Variants in MALRD1 observed in about 807,000 individuals in gnomAD.
The protein encoded by MALRD1 is MAM and LDL receptor class A domain containing 1.
Under a neutral mutation model 242.1 loss-of-function variants are expected in MALRD1, and 247 were observed. That is an observed-to-expected ratio of 1.02 (90% CI 0.92 to 1.13). MALRD1 has a LOEUF of 1.13. Ranked by LOEUF, MALRD1 falls within the 50% of genes most tolerant of loss-of-function variation. MALRD1 has a pLI of 0.00. For missense variants in MALRD1, 2,989 were observed against 2,533.1 expected, an observed-to-expected ratio of 1.18 and a Z score of -3.86; for synonymous variants, 995 against 866.6, an observed-to-expected ratio of 1.15 and a Z score of -2.60.
rs796121333 is a variant in MALRD1 at position 19,719,211 on chromosome 10, TACAC to T, written c.6315-11493_6315-11490del. 8.8e-3 allele frequency among the ~76,000 whole-genome samples: 189 copies of T among 21,464 alleles called. 6 individuals carry two copies. Among genetic ancestry groups the T allele is most frequent in the African/African-American group, 0.039 (182 of 4,680 alleles). 14.1% of individuals were successfully genotyped at this position (21,464 alleles called of 152,430 possible). A position where few individuals can be genotyped will look rare whatever the true frequency, so the allele number is the denominator to read the frequency against. On this transcript the variant is annotated intron_variant, in intron 38 of 39. Coordinates refer to ENST00000454679, the MANE Select transcript of MALRD1 (RefSeq NM_001142308.3). ...ATATACATACATATATATATATATA[TACAC>T]ATACATACATATATATATATATATA...
intron 18 of MALRD1, among the ~76,000 whole-genome samples, chr10:19,248,123 T>C (rs549435402): frequency 1.1e-4 from 17 of 152,106 alleles, no homozygotes; most frequent in African/African-American, 4.1e-4. Flanking sequence ...GTTACAAGAG[T>C]ATACTCTTAG....
chr10:19,260,466 A>G (rs1014932030), intron 19 of MALRD1, among the ~76,000 whole-genome samples: 28 of 152,186 alleles, frequency 1.8e-4, no homozygotes, highest in African/African-American at 6.3e-4. Flanking sequence ...CAACTGGGAC[A>G]TGGTATACAT....
chr10:19,642,033 T>C (rs1470640548), intron 36 of MALRD1, among the ~76,000 whole-genome samples: 3 of 152,184 alleles, frequency 2.0e-5, no homozygotes, highest in Non-Finnish European at 2.9e-5. Flanking sequence ...ATTTGGAGAA[T>C]ATTTCTAAGA....
At chr10:19,361,044 G>A (rs1844873038) in intron 26 of MALRD1, among the ~76,000 whole-genome samples, 1 of 152,054 alleles carries the variant, frequency 6.6e-6, no homozygotes, top group African/African-American at 2.4e-5. Flanking sequence ...GACTGGAGGT[G>A]TGGTAGTCTG....
intron 21 of MALRD1, among the ~76,000 whole-genome samples, chr10:19,321,408 A>G (rs368408542): frequency 4.1e-4 from 62 of 152,232 alleles, no homozygotes; most frequent in African/African-American, 1.3e-3. Context: ...CCCAACTCCC[A>G]TTCCTACTGG....
intron 14 of MALRD1, among the ~76,000 whole-genome samples, chr10:19,193,091 C>G (rs1015072887): frequency 3.9e-5 from 6 of 152,094 alleles, no homozygotes; most frequent in Non-Finnish European, 7.4e-5. Context: ...ATTTATTAGA[C>G]AGATTTTTCA....
At chr10:19,229,177 A>G (rs1837936995) in intron 18 of MALRD1, among the ~76,000 whole-genome samples, 2 of 152,326 alleles carry the variant, frequency 1.3e-5, no homozygotes, top group South Asian at 2.1e-4. Context: ...CCACAGTGGC[A>G]TGAATCGAGC....
chr10:19,227,423 T>C (rs1837846392), intron 18 of MALRD1, among the ~76,000 whole-genome samples: 1 of 152,118 alleles, frequency 6.6e-6, no homozygotes, highest in African/African-American at 2.4e-5. Flanking sequence ...GGATATTAAA[T>C]GGAGAATATG....
At chr10:19,326,066 C>G (rs1843122100) in intron 22 of MALRD1, among the ~76,000 whole-genome samples, 1 of 151,970 alleles carries the variant, frequency 6.6e-6, no homozygotes, top group Non-Finnish European at 1.5e-5. Context: ...AGACTTCGTT[C>G]TGAAAACAGT....
At position 19,674,270 on chromosome 10, in the gene MALRD1, A is replaced by G. The variant is rs114494894; in HGVS notation, c.6138-18012A>G. On this transcript the variant is annotated intron_variant, in intron 36 of 39. Coordinates refer to ENST00000454679, the MANE Select transcript of MALRD1 (RefSeq NM_001142308.3). ...AAAACACATGGTTTGATAGGATATG[A>G]TGCCTACAACCTAGTGCAAAGCCTA... 9.1e-3 allele frequency among the ~76,000 whole-genome samples: 1,380 copies of G among 152,338 alleles called. 22 individuals carry two copies. Among genetic ancestry groups the G allele is most frequent in the African/African-American group, 0.032 (1,318 of 41,576 alleles).
chr10:19,638,392 T>C (rs1321295107), intron 36 of MALRD1, among the ~76,000 whole-genome samples: 4 of 152,124 alleles, frequency 2.6e-5, no homozygotes, highest in African/African-American at 7.2e-5. Flanking sequence ...AGACACTCTA[T>C]TAGTCATCTA....
chr10:19,178,268 CA>C (rs1472028362), intron 14 of MALRD1, among the ~76,000 whole-genome samples: 4 of 151,476 alleles, frequency 2.6e-5, no homozygotes, highest in Admixed American at 6.6e-5. Flanking sequence ...TGGATGTACA[CA>C]AAGGAAAAAA....
At chr10:19,722,395 G>A (rs1286188212) in intron 38 of MALRD1, 2 of 152,042 alleles carry the variant, frequency 1.3e-5, no homozygotes, top group Admixed American at 1.3e-4. Flanking sequence ...TTCAAGACCA[G>A]CCTGGGCAAT....
chr10:19,079,170 A>G (rs1230543128), intron 2 of MALRD1, among the ~76,000 whole-genome samples: 1 of 151,588 alleles, frequency 6.6e-6, no homozygotes, highest in Non-Finnish European at 1.5e-5. Flanking sequence ...AACCATTTTT[A>G]TATGTTGAAT....
intron 19 of MALRD1, among the ~76,000 whole-genome samples, chr10:19,260,348 T>C (rs925074803): frequency 1.3e-5 from 2 of 152,170 alleles, no homozygotes; most frequent in Non-Finnish European, 2.9e-5. Context: ...CTCTAAGCTA[T>C]GTGTCTCTGT....
intron 5 of MALRD1, among the ~76,000 whole-genome samples, chr10:19,121,804 C>G (rs895318234): frequency 1.3e-5 from 2 of 152,118 alleles, no homozygotes; most frequent in African/African-American, 2.4e-5. Flanking sequence ...TCTGATTTCT[C>G]TCATTTTCCC....
chr10:19,398,149 A>G (rs761664239), intron 28 of MALRD1, among the ~76,000 whole-genome samples: 1 of 151,950 alleles, frequency 6.6e-6, no homozygotes, highest in African/African-American at 2.4e-5. Flanking sequence ...TTTGCTGTGC[A>G]GAAGCTTTAT....
intron 18 of MALRD1, among the ~76,000 whole-genome samples, chr10:19,251,727 T>C (rs1447013613): frequency 1.3e-5 from 2 of 152,006 alleles, no homozygotes. Context: ...TTGAAAGAAG[T>C]AGGTGATATG....
At chr10:19,546,286 T>A (rs1458046597) in intron 32 of MALRD1, among the ~76,000 whole-genome samples, 1 of 152,222 alleles carries the variant, frequency 6.6e-6, no homozygotes, top group East Asian at 1.9e-4. Context: ...ATTTCTTTGA[T>A]GTAAAGCACT....
Sources: gnomAD v4.1 joint callset for allele counts (sites outside exome capture counted in the v4.1 genomes callset) on GRCh38, gnomAD v4.1.1 for gene constraint, MANE v1.5 for transcripts, NCBI Gene and HGNC (gene_info 2026-07-23, HGNC 2026-07-21) for gene names.